Variants in TRIM2 observed in about 807,000 individuals in gnomAD.
TRIM2 encodes the protein tripartite motif-containing protein 2.
Under a neutral mutation model 75.2 loss-of-function variants are expected in TRIM2, and 20 were observed. The observed-to-expected ratio is 0.27, with a 90% CI of 0.19 to 0.39. The LOEUF is 0.39. TRIM2 is among the 10% of genes least tolerant of loss of function. The probability of loss-of-function intolerance (pLI) is 1.00; values close to 1 mark genes in which losing one functional copy is unlikely to be tolerated. For missense variants in TRIM2, 660 were observed against 990.8 expected (o/e 0.67, Z 4.48); for synonymous variants, 373 against 388.3 (o/e 0.96, Z 0.46).
chr4:153,312,634 T>C (rs1192699525), intron 6 of TRIM2, among the ~76,000 whole-genome samples: 1 of 152,134 alleles, frequency 6.6e-6, no homozygotes, highest in Non-Finnish European at 1.5e-5. Flanking sequence ...TCAACCCTTG[T>C]GGAAGTCAGT....
chr4:153,305,683 A>G (rs1020793688), intron 6 of TRIM2, among the ~76,000 whole-genome samples: 1 of 152,218 alleles, frequency 6.6e-6, no homozygotes, highest in Admixed American at 6.5e-5. Flanking sequence ...CTTTTAAAAC[A>G]ACTCATTCTT....
intron 11 of TRIM2, among the ~76,000 whole-genome samples, chr4:153,333,081 A>G (rs1374046016): frequency 6.6e-6 from 1 of 152,250 alleles, no homozygotes; most frequent in East Asian, 1.9e-4. Context: ...ATGTCTTTCA[A>G]TAGGTTCATG....
chr4:153,251,051 T>TTAG (rs748300209), intron 1 of TRIM2, among the ~76,000 whole-genome samples: 3 of 152,232 alleles, frequency 2.0e-5, no homozygotes, highest in Non-Finnish European at 4.4e-5. Flanking sequence ...GGTTCCCAAT[T>TTAG]AATCTACTCC....
chr4:153,237,836 A>T (rs1291054756), intron 1 of TRIM2, among the ~76,000 whole-genome samples: 1 of 151,964 alleles, frequency 6.6e-6, no homozygotes, highest in Non-Finnish European at 1.5e-5. Flanking sequence ...TACAAATATT[A>T]CAACTTAATT....
At chr4:153,241,239 G>C (rs1746492171) in intron 1 of TRIM2, among the ~76,000 whole-genome samples, 1 of 152,160 alleles carries the variant, frequency 6.6e-6, no homozygotes, top group African/African-American at 2.4e-5. Context: ...TGTCTCACAG[G>C]AGTACCTGGT....
Position 153,337,851 on chromosome 4 carries a change from C to A in TRIM2, c.*2885C>A. On this transcript the variant is annotated 3_prime_UTR_variant, in exon 12 of 12. Coordinates refer to ENST00000338700, the MANE Select transcript of TRIM2 (RefSeq NM_015271.5). ...CTGGGCACGTAAGGCAAAATATTGCCGGTTGGGATTTCAAGGTCAGTGACG... is the reference window on the plus strand; with the variant it reads ...CTGGGCACGTAAGGCAAAATATTGCAGGTTGGGATTTCAAGGTCAGTGACG... The A allele has an allele frequency of 1.0e-6, 1 of 985,722 alleles. No individual in the cohort carries two copies. The highest frequency in any genetic ancestry group is 1.7e-5 in the African/African-American group (1 of 57,300). The allele number at this position is 985,722 out of a possible 1,614,324, so 61.1% of individuals were successfully genotyped here. A position where few individuals can be genotyped will look rare whatever the true frequency, so the allele number is the denominator to read the frequency against.
intron 1 of TRIM2, among the ~76,000 whole-genome samples, chr4:153,195,590 C>T (rs918006358): frequency 1.9e-4 from 29 of 152,294 alleles, no homozygotes; most frequent in Non-Finnish European, 3.8e-4. Context: ...CCTTCAGAGC[C>T]TCCAGCAGGA....
At chr4:153,172,364 T>C (rs973301770) in intron 1 of TRIM2, among the ~76,000 whole-genome samples, 5 of 152,076 alleles carry the variant, frequency 3.3e-5, no homozygotes, top group Non-Finnish European at 7.4e-5. Context: ...ATTTTTTGTA[T>C]TTTTAGTAGA....
At chr4:153,208,546 A>C (rs9995198) in intron 1 of TRIM2, among the ~76,000 whole-genome samples, 1,950 of 152,274 alleles carry the variant, frequency 0.013, 40 homozygotes, top group African/African-American at 0.045. Context: ...TATCCCGTAG[A>C]TGTGTCAAGA....
intron 8 of TRIM2, 109 bp from the exon 9 acceptor site, chr4:153,322,539 T>C (rs940517248): frequency 6.3e-6 from 8 of 1,263,736 alleles, no homozygotes; most frequent in Non-Finnish European, 8.6e-6. Context: ...GTGTACCCGT[T>C]TGAACCTTCA....
chr4:153,245,221 A>G (rs975898299), intron 1 of TRIM2, among the ~76,000 whole-genome samples: 21 of 152,358 alleles, frequency 1.4e-4, no homozygotes, highest in South Asian at 2.1e-4. Flanking sequence ...AGCCAATGGT[A>G]AGTTCTGTTT....
chr4:153,314,730 G>A (rs979526876), intron 6 of TRIM2, among the ~76,000 whole-genome samples: 1 of 152,106 alleles, frequency 6.6e-6, no homozygotes, highest in Non-Finnish European at 1.5e-5. Flanking sequence ...TCCAGCCTCT[G>A]AGATATTGAA....
chr4:153,291,054 T>C (rs1208047355), intron 3 of TRIM2, among the ~76,000 whole-genome samples: 1 of 151,140 alleles, frequency 6.6e-6, no homozygotes, highest in Non-Finnish European at 1.5e-5. Flanking sequence ...AAAAAAAAAG[T>C]GTCTTTATAT....
At chr4:153,193,497 C>G (rs1296359068) in intron 1 of TRIM2, among the ~76,000 whole-genome samples, 5 of 152,118 alleles carry the variant, frequency 3.3e-5, no homozygotes, top group Non-Finnish European at 7.4e-5. Context: ...AGGAAGAGCA[C>G]TTGAACATTT....
intron 1 of TRIM2, among the ~76,000 whole-genome samples, chr4:153,157,579 A>T (rs978847833): frequency 1.3e-5 from 2 of 152,192 alleles, no homozygotes; most frequent in African/African-American, 4.8e-5. Context: ...TCGGGCTGAG[A>T]TGCTCTACCC....
intron 1 of TRIM2, among the ~76,000 whole-genome samples, chr4:153,153,600 C>G (rs1728935969): frequency 6.6e-6 from 1 of 152,246 alleles, no homozygotes; most frequent in Non-Finnish European, 1.5e-5. Context: ...CGCCCCCGAT[C>G]TTTCCGGCCC....
chr4:153,266,655 T>G (rs1207657263), intron 1 of TRIM2, among the ~76,000 whole-genome samples: 3 of 150,642 alleles, frequency 2.0e-5, no homozygotes, highest in Non-Finnish European at 1.5e-5. Context: ...TTTTTTTTTT[T>G]TGTATTTTTT....
chr4:153,205,034 G>T (rs532446680), intron 1 of TRIM2, among the ~76,000 whole-genome samples: 1 of 152,162 alleles, frequency 6.6e-6, no homozygotes, highest in African/African-American at 2.4e-5. Context: ...GTTATAAATA[G>T]GTCTATTCAG....
intron 3 of TRIM2, among the ~76,000 whole-genome samples, chr4:153,288,742 C>G (rs1761210942): frequency 6.6e-6 from 1 of 151,646 alleles, no homozygotes. Flanking sequence ...TGATGGTGTC[C>G]CACGGGCCTC....
Sources: allele counts gnomAD v4.1 joint callset (sites outside exome capture counted in the v4.1 genomes callset), GRCh38; gene constraint gnomAD v4.1.1; transcripts MANE v1.5; gene names NCBI Gene and HGNC (gene_info 2026-07-23, HGNC 2026-07-21).